The following TMEM65 variants were observed in gnomAD, a reference collection of about 807,000 sequenced individuals.
The protein encoded by TMEM65 is transmembrane protein 65.
Under a neutral mutation model 25.4 loss-of-function variants are expected in TMEM65, and 22 were observed. The observed-to-expected ratio is 0.86, with a 90% confidence interval of 0.62 to 1.23. TMEM65 has a LOEUF of 1.23. TMEM65 is among the 50% of genes most tolerant of loss of function. The pLI, the probability that TMEM65 is intolerant of heterozygous loss-of-function variation, is 0.00. For synonymous variants in TMEM65, 132 were observed against 126.2 expected, an observed-to-expected ratio of 1.05 and a Z score of -0.31; for missense variants, 262 against 308.2, an observed-to-expected ratio of 0.85 and a Z score of 1.12.
chr8:124,325,199 T>TA (rs1052080462), intron 3 of TMEM65, among the ~76,000 whole-genome samples: 7 of 148,924 alleles, frequency 4.7e-5, no homozygotes, highest in East Asian at 1.9e-4. Context: ...GTCTATGGTA[T>TA]AAAAAAAAAG....
At chr8:124,354,977 TA>T (rs1229258138) in intron 1 of TMEM65, among the ~76,000 whole-genome samples, 3 of 151,664 alleles carry the variant, frequency 2.0e-5, no homozygotes, top group Non-Finnish European at 2.9e-5. Context: ...TAAAAAGGAA[TA>T]AAAAAATTCG....
intron 5 of TMEM65, among the ~76,000 whole-genome samples, chr8:124,321,852 A>G (rs1814307255): frequency 6.6e-6 from 1 of 152,180 alleles, no homozygotes; most frequent in South Asian, 2.1e-4. Context: ...CATGAAAATT[A>G]CTAAACACAA....
Position 124,307,436 on chromosome 8 carries a change from G to C in TMEM65, c.*6524C>G, listed in dbSNP as rs1345870597. On this transcript the variant is annotated 3_prime_UTR_variant, in exon 7 of 7. Coordinates refer to ENST00000297632, the MANE Select transcript of TMEM65 (RefSeq NM_194291.3). ...CCATCCTTCAAGATAAATGAATCCA[G>C]CATAAGGACCACTGTTAAAAAAAAT... 1 of 149,970 alleles carries C rather than the reference G, an allele frequency of 6.7e-6. No homozygotes were observed. Among genetic ancestry groups the C allele is most frequent in the East Asian group, 2.0e-4 (1 of 5,088 alleles). 9.3% of individuals were successfully genotyped at this position (149,970 alleles called of 1,614,324 possible).
rs1463592444 is a variant in TMEM65, at chr8:124,323,345, T to G, written c.448A>C (p.Ile150Leu). 1 of 1,507,440 alleles carries G rather than the reference T, an allele frequency of 6.6e-7. No individual in the cohort carries two copies. Among genetic ancestry groups the G allele is most frequent in the East Asian group, 2.4e-5 (1 of 41,848 alleles). 93.4% of individuals were successfully genotyped at this position (1,507,440 alleles called of 1,614,324 possible). A position where few individuals can be genotyped will look rare whatever the true frequency, so the allele number is the denominator to read the frequency against. ...GTHIEMSIGI[I>L]LGISTMAAAA... is the part of the protein sequence containing the mutation. ...CCTGCCATAGTTGAAATTCCCAAAA[T>G]AATTCCAATAGACATTTCAATATGG... The change falls in exon 4 of 7, where the codon ATT becomes CTT. Residue 150 changes from isoleucine (I) to leucine (L), a missense_variant. Ile to Leu is a conservative substitution (Grantham distance 5). Transcript: ENST00000297632.
rs1463134361 is a variant in TMEM65 at position 124,310,695 on chromosome 8, T to A, written c.*3265A>T. On this transcript the variant is annotated 3_prime_UTR_variant, in exon 7 of 7. Coordinates refer to ENST00000297632, the MANE Select transcript of TMEM65 (RefSeq NM_194291.3). ...ATTATTACTACTACTACTATCATCATCATCATCTCAGTCAGGATCCAAAGC... is the reference window on the plus strand; with the variant it reads ...ATTATTACTACTACTACTATCATCAACATCATCTCAGTCAGGATCCAAAGC... The A allele has an allele frequency of 1.3e-5, 2 of 152,124 alleles. No individual in the cohort carries two copies. The highest frequency in any genetic ancestry group is 3.9e-4 in the East Asian group (2 of 5,188). 9.4% of individuals were successfully genotyped at this position (152,124 alleles called of 1,614,324 possible). A position where few individuals can be genotyped will look rare whatever the true frequency, so the allele number is the denominator to read the frequency against.
chr8:124,333,470 C>CGCGT (rs1554589074), intron 1 of TMEM65, among the ~76,000 whole-genome samples: 1,628 of 149,240 alleles, frequency 0.011, 37 homozygotes, highest in African/African-American at 0.038. Context: ...TGTGTGTGTG[C>CGCGT]GTGTGTGTGT....
intron 1 of TMEM65, among the ~76,000 whole-genome samples, chr8:124,370,696 C>G (rs1167659104): frequency 6.6e-6 from 1 of 152,156 alleles, no homozygotes. Flanking sequence ...GTACAGATAA[C>G]GTCCTGCTTA....
At chr8:124,334,556 G>C (rs1814479864) in intron 1 of TMEM65, among the ~76,000 whole-genome samples, 1 of 151,754 alleles carries the variant, frequency 6.6e-6, no homozygotes, top group Non-Finnish European at 1.5e-5. Context: ...ACAAGGTCAG[G>C]AGTTTGAGAC....
chr8:124,333,461 G>C (rs1365111945), intron 1 of TMEM65, among the ~76,000 whole-genome samples: 1 of 77,840 alleles, frequency 1.3e-5, no homozygotes, highest in Non-Finnish European at 2.4e-5. Flanking sequence ...CCATCTGTGT[G>C]TGTGTGTGCG....
intron 1 of TMEM65, among the ~76,000 whole-genome samples, chr8:124,344,549 C>A (rs1814620799): frequency 6.6e-6 from 1 of 152,170 alleles, no homozygotes; most frequent in Non-Finnish European, 1.5e-5. Flanking sequence ...AAGAAGACTG[C>A]ATGCAATAGC....
intron 1 of TMEM65, among the ~76,000 whole-genome samples, chr8:124,345,889 A>T (rs6984232): frequency 6.6e-6 from 1 of 152,054 alleles, no homozygotes; most frequent in Admixed American, 6.6e-5. Context: ...GATTACAGGC[A>T]CATGCCACCA....
intron 1 of TMEM65, among the ~76,000 whole-genome samples, chr8:124,347,178 C>G (rs953609651): frequency 6.6e-6 from 1 of 152,074 alleles, no homozygotes; most frequent in Non-Finnish European, 1.5e-5. Flanking sequence ...TCTTTAGAAA[C>G]AGCAGAGCTT....
chr8:124,345,003 T>G (rs28538795), intron 1 of TMEM65, among the ~76,000 whole-genome samples: 2 of 152,124 alleles, frequency 1.3e-5, no homozygotes, highest in African/African-American at 4.8e-5. Context: ...TCTCTCAAAA[T>G]TGAGAGACTG....
At chr8:124,340,782 T>C (rs541454865) in intron 1 of TMEM65, among the ~76,000 whole-genome samples, 3 of 152,222 alleles carry the variant, frequency 2.0e-5, no homozygotes, top group Non-Finnish European at 4.4e-5. Context: ...TCATCAAGAA[T>C]GGAAATTTAA....
chr8:124,333,552 A>G (rs1177932396), intron 1 of TMEM65, among the ~76,000 whole-genome samples: 1 of 151,950 alleles, frequency 6.6e-6, no homozygotes, highest in Non-Finnish European at 1.5e-5. Context: ...TTTTAAAACA[A>G]TAAGATAACT....
rs576165657 is a variant in TMEM65, at chr8:124,354,491, G to A, written c.304+17363C>T. On this transcript the variant is annotated intron_variant, in intron 1 of 6. Transcript: ENST00000297632. ...CTGCCAGAAGTCCTGATAATAGACA[G>A]CCCTCAACAATCAGTCATCTTGGGG... Among the ~76,000 whole-genome samples the A allele has an allele frequency of 3.9e-5, 6 of 152,246 alleles. No individual in the cohort carries two copies. In the East Asian group the frequency reaches 1.2e-3, roughly 29 times the overall value.
intron 1 of TMEM65, among the ~76,000 whole-genome samples, chr8:124,364,690 T>C (rs573436383): frequency 7.3e-4 from 111 of 152,350 alleles, no homozygotes; most frequent in African/African-American, 2.5e-3. Context: ...TACAGTCTTT[T>C]ATCTACAAGA....
chr8:124,335,435 T>G (rs1299523215), intron 1 of TMEM65, among the ~76,000 whole-genome samples: 2 of 152,126 alleles, frequency 1.3e-5, no homozygotes, highest in East Asian at 3.8e-4. Context: ...AAATGGTAAA[T>G]GTCTGGGTAA....
chr8:124,362,979 A>G (rs1814891587), intron 1 of TMEM65, among the ~76,000 whole-genome samples: 1 of 152,222 alleles, frequency 6.6e-6, no homozygotes, highest in South Asian at 2.1e-4. Context: ...CGAAGAATAA[A>G]TGGTTTTGCT....
Sources: gnomAD v4.1 joint callset for allele counts (sites outside exome capture counted in the v4.1 genomes callset) on GRCh38, gnomAD v4.1.1 for gene constraint, MANE v1.5 for transcripts, NCBI Gene and HGNC (gene_info 2026-07-23, HGNC 2026-07-21) for gene names.